The following PICALM variants were observed in gnomAD, a reference collection of about 807,000 sequenced individuals.
PICALM encodes phosphatidylinositol binding clathrin assembly protein.
Under a neutral mutation model 80.5 loss-of-function variants are expected in PICALM, and 40 were observed. That is an observed-to-expected ratio of 0.50 (90% CI 0.39 to 0.65). The LOEUF (loss-of-function observed/expected upper bound fraction) is 0.65. PICALM is among the 30% of genes least tolerant of loss of function. PICALM has a pLI of 0.00. For synonymous variants in PICALM, 288 were observed against 260.3 expected, an observed-to-expected ratio of 1.11 and a Z score of -1.02; for missense variants, 676 against 778.9, an observed-to-expected ratio of 0.87 and a Z score of 1.57.
At chr11:86,043,152 T>C (rs2096005049) in intron 1 of PICALM, among the ~76,000 whole-genome samples, 1 of 152,214 alleles carries the variant, frequency 6.6e-6, no homozygotes, top group Non-Finnish European at 1.5e-5. Context: ...AATAAAAGTT[T>C]ACATGTAGCT....
chr11:86,007,618 T>A, intron 7 of PICALM, 35 bp from the exon 8 acceptor site: 1 of 1,021,662 alleles, frequency 9.8e-7, no homozygotes, highest in South Asian at 2.0e-5. Context: ...TAAATTATAA[T>A]AAAAATATTT....
intron 11 of PICALM, 53 bp downstream of exon 11, chr11:86,000,589 AT>A: frequency 6.8e-7 from 1 of 1,477,218 alleles, no homozygotes; most frequent in Non-Finnish European, 9.2e-7. Flanking sequence ...CAAAATTTCT[AT>A]TAGAAGTCTT....
At chr11:86,046,204 G>C (rs2096069310) in intron 1 of PICALM, among the ~76,000 whole-genome samples, 1 of 152,078 alleles carries the variant, frequency 6.6e-6, no homozygotes, top group African/African-American at 2.4e-5. Flanking sequence ...TTCTGCTCTA[G>C]ACTCTCTGGC....
In PICALM at chr11:85,958,949, G is replaced by A; in HGVS notation, c.*97C>T. The A allele has an allele frequency of 1.2e-6, 1 of 820,244 alleles. No individual in the cohort carries two copies. The highest frequency in any genetic ancestry group is 2.0e-6 in the Non-Finnish European group (1 of 502,004). 50.8% of individuals were successfully genotyped at this position (820,244 alleles called of 1,614,324 possible). A position where few individuals can be genotyped will look rare whatever the true frequency, so the allele number is the denominator to read the frequency against. On this transcript the variant is annotated 3_prime_UTR_variant, in exon 20 of 20. Transcript: ENST00000393346. ...ATTCTAATGGAAGAAGAGAGTTTAA[G>A]AGATTTAAGAGACAGCAGTTTGGAT...
At chr11:86,064,669 A>G (rs964173275) in intron 1 of PICALM, among the ~76,000 whole-genome samples, 3 of 151,150 alleles carry the variant, frequency 2.0e-5, no homozygotes, top group African/African-American at 7.3e-5. Context: ...AAAAAAAAAA[A>G]GGAGACATTA....
Position 85,981,122 on chromosome 11 carries a change from A to C in PICALM, c.1779+7T>G. The C allele has an allele frequency of 7.0e-7, 1 of 1,424,480 alleles. No homozygotes were observed. Among genetic ancestry groups the C allele is most frequent in the Non-Finnish European group, 9.9e-7 (1 of 1,010,118 alleles). 88.2% of individuals were successfully genotyped at this position (1,424,480 alleles called of 1,614,324 possible). A position where few individuals can be genotyped will look rare whatever the true frequency, so the allele number is the denominator to read the frequency against. On this transcript the variant is annotated splice_region_variant and intron_variant, in intron 17 of 19. Coordinates refer to ENST00000393346, the MANE Select transcript of PICALM (RefSeq NM_007166.4). Reference sequence around the variant, plus strand: ...CTGTTAGTCTATCAGGAGCTTTTTCAACTCACCATTGTTGCAGCATTCCAA... The same window carrying C: ...CTGTTAGTCTATCAGGAGCTTTTTCCACTCACCATTGTTGCAGCATTCCAA...
chr11:85,968,941 TG>T (rs1297044720), intron 19 of PICALM, among the ~76,000 whole-genome samples: 12 of 132,102 alleles, frequency 9.1e-5, no homozygotes, highest in Non-Finnish European at 1.9e-4. Context: ...TACAGAAAAA[TG>T]ACTCAACACA....
At chr11:86,014,996 G>C (rs1337509491) in intron 4 of PICALM, 33 bp from the exon 5 acceptor site, 3 of 1,273,782 alleles carry the variant, frequency 2.4e-6, no homozygotes, top group Non-Finnish European at 3.3e-6. Flanking sequence ...ATAAACAAAT[G>C]AATCTGCAAT....
At chr11:86,020,406 C>G (rs1173473939) in intron 4 of PICALM, among the ~76,000 whole-genome samples, 1 of 113,000 alleles carries the variant, frequency 8.8e-6, no homozygotes, top group Non-Finnish European at 1.8e-5. Flanking sequence ...GGGCCCAGAA[C>G]AGCTAAAACA....
intron 5 of PICALM, 85 bp from the exon 6 acceptor site, chr11:86,012,477 G>T: frequency 1.3e-6 from 1 of 747,576 alleles, no homozygotes; most frequent in Non-Finnish European, 2.4e-6. Flanking sequence ...TTAAGATACA[G>T]TAAATTCATG....
At chr11:86,032,743 A>G (rs1238920661) in intron 1 of PICALM, among the ~76,000 whole-genome samples, 2 of 152,234 alleles carry the variant, frequency 1.3e-5, no homozygotes, top group African/African-American at 2.4e-5. Flanking sequence ...CAGCTATACT[A>G]CAATAAAGGG....
chr11:86,037,889 T>C (rs184831268), intron 1 of PICALM, among the ~76,000 whole-genome samples: 40 of 152,344 alleles, frequency 2.6e-4, no homozygotes, highest in African/African-American at 9.4e-4. Flanking sequence ...GTACCTCTCA[T>C]GTCACATAGC....
intron 4 of PICALM, among the ~76,000 whole-genome samples, chr11:86,016,118 T>A (rs1336381122): frequency 6.6e-6 from 1 of 152,240 alleles, no homozygotes; most frequent in Non-Finnish European, 1.5e-5. Flanking sequence ...CTTTTGCAAC[T>A]CTTCTTACTG....
At position 86,012,352 on chromosome 11, in the gene PICALM, G is replaced by T; in HGVS notation, c.587C>A (p.Ala196Asp). The change falls in exon 6 of 20, where the codon GCC (alanine) becomes GAC (aspartate). Residue 196 changes from alanine (A) to aspartate (D), a missense_variant. Transcript: ENST00000393346. ...NELTNGVINA[A>D]FMLLFKDAIR... Reference sequence around the variant, plus strand: ...GGCATCTTTGAACAGGAGCATGAAGGCAGCATTTATTACCCCATTTGTAAG... The same window carrying T: ...GGCATCTTTGAACAGGAGCATGAAGTCAGCATTTATTACCCCATTTGTAAG... 1 of 1,610,492 alleles carries T rather than the reference G, an allele frequency of 6.2e-7. No individual in the cohort carries two copies. Among genetic ancestry groups the T allele is most frequent in the Non-Finnish European group, 8.5e-7 (1 of 1,177,450 alleles).
chr11:85,996,775 TGAG>T, intron 12 of PICALM, 48 bp downstream of exon 12: 3 of 1,018,926 alleles, frequency 2.9e-6, no homozygotes, highest in East Asian at 4.9e-5. Flanking sequence ...CACCACAGAA[TGAG>T]GAGGAGAGAT....
intron 13 of PICALM, among the ~76,000 whole-genome samples, chr11:85,989,661 C>T (rs760334201): frequency 6.6e-6 from 1 of 152,080 alleles, no homozygotes; most frequent in Non-Finnish European, 1.5e-5. Context: ...ATATCCAAGT[C>T]GTGTTTCTGC....
intron 1 of PICALM, among the ~76,000 whole-genome samples, chr11:86,057,403 G>A (rs1214595632): frequency 1.3e-5 from 2 of 152,096 alleles, no homozygotes; most frequent in African/African-American, 2.4e-5. Context: ...GCTGGGCCTG[G>A]TGGCTCGCGC....
chr11:85,971,615 A>T (rs2094114637), intron 19 of PICALM, among the ~76,000 whole-genome samples: 1 of 152,074 alleles, frequency 6.6e-6, no homozygotes. Context: ...ATACACCAGT[A>T]ATCTCAGCTA....
chr11:85,979,489 CAA>C (rs57308537), intron 17 of PICALM, among the ~76,000 whole-genome samples: 4 of 101,628 alleles, frequency 3.9e-5, no homozygotes, highest in Non-Finnish European at 4.1e-5. Flanking sequence ...GACTCCGTCA[CAA>C]AAAAAAAAAA....
Sources: gnomAD v4.1 joint callset for allele counts (sites outside exome capture counted in the v4.1 genomes callset) on GRCh38, gnomAD v4.1.1 for gene constraint, MANE v1.5 for transcripts, NCBI Gene and HGNC (gene_info 2026-07-23, HGNC 2026-07-21) for gene names.